PPAN: variants seen among roughly 807,000 people sequenced by gnomAD.
PPAN encodes peter pan homolog.
PPAN carries 39 observed loss-of-function variants against 48.5 expected under a neutral mutation model. That is an observed-to-expected ratio of 0.80 (90% CI 0.62 to 1.05). The LOEUF (loss-of-function observed/expected upper bound fraction) is 1.05, where lower values mean the gene tolerates loss of function less well. PPAN is among the 50% of genes least tolerant of loss of function. The pLI is 0.00. For missense variants in PPAN, 736 were observed against 661.7 expected, an observed-to-expected ratio of 1.11 and a Z score of -1.23; for synonymous variants, 315 against 268.6, an observed-to-expected ratio of 1.17 and a Z score of -1.69.
Position 10,110,950 on chromosome 19 carries a change from TTCC to T in PPAN, c.1208_1210del (p.Phe403_Pro404delinsSer). On this transcript the variant is annotated inframe_deletion, in exon 12 of 12. Coordinates refer to ENST00000253107, the MANE Select transcript of PPAN (RefSeq NM_020230.7). The surrounding 1 kb of genome is among the most constrained non-coding windows in gnomAD (Gnocchi z 5.9). ...GACACTGTCTCTCCCCACAGACCTG[TTCC>T]CCGAGGCCAAGCAGAAACGGCTTGC... 6.2e-6 allele frequency: 10 copies of T among 1,613,360 alleles called. No homozygotes were observed. Among genetic ancestry groups the T allele is most frequent in the Non-Finnish European group, 8.5e-6 (10 of 1,179,892 alleles).
In PPAN at chr19:10,110,495, G is replaced by T; in HGVS notation, c.912G>T (p.Thr304=). 6.2e-7 allele frequency: 1 copy of T among 1,612,390 alleles called. No homozygotes were observed. The highest frequency in any genetic ancestry group is 8.5e-7 in the Non-Finnish European group (1 of 1,179,658). The change falls in exon 10 of 12, where the codon ACG becomes ACT. Residue 304 remains threonine (T), a synonymous_variant. Transcript: ENST00000253107. This position sits in a 1 kb window ranked among gnomAD's most constrained non-coding sequence, Gnocchi z 5.9. The stretch of plus-strand genomic sequence containing the variant: ...CGTCTCTTGGCTCAGTGAGCAAGAC[G>T]GAGGAGGAGCTGCAGGCCATCCTGG... ...KVMFHSFVSK[T]EEELQAILEA... is the part of the protein sequence containing the mutation.
At chr19:10,109,591 C>A in intron 5 of PPAN, 40 bp from the exon 6 acceptor site, 1 of 1,579,460 alleles carries the variant, frequency 6.3e-7, no homozygotes. Flanking sequence ...CAAACTTTGC[C>A]ATGAGTCTAC....
chr19:10,106,461 C>A (rs1313342679), intron 1 of PPAN, 40 bp from the exon 2 acceptor site: 79 of 1,547,204 alleles, frequency 5.1e-5, no homozygotes, highest in Non-Finnish European at 6.6e-5. Flanking sequence ...GGGTCCCGGC[C>A]GAGGTCGCGG....
chr19:10,106,880 C>G lies in PPAN; in HGVS notation c.189+209C>G, dbSNP rs1160855584. On this transcript the variant is annotated intron_variant, in intron 2 of 11. Coordinates refer to ENST00000253107, the MANE Select transcript of PPAN (RefSeq NM_020230.7). The stretch of plus-strand genomic sequence containing the variant: ...CTTGGGAGATAGATAGTCGCCTAAG[C>G]CTGACAGTTAAGACTGGAATCTGGA... The G allele has an allele frequency of 6.1e-6, 5 of 818,760 alleles. No homozygotes were observed. In the African/African-American group the frequency reaches 8.6e-5, roughly 14 times the overall value. 50.7% of individuals were successfully genotyped at this position (818,760 alleles called of 1,614,324 possible).
In PPAN at chr19:10,111,878, G is replaced by A. The variant is rs1282936787; in HGVS notation, c.*713G>A. 1.4e-5 allele frequency: 14 copies of A among 966,496 alleles called. No individual in the cohort carries two copies. The highest frequency in any genetic ancestry group is 6.4e-5 in the African/African-American group (4 of 62,158). The allele number at this position is 966,496 out of a possible 1,614,324, so 59.9% of individuals were successfully genotyped here. On this transcript the variant is annotated 3_prime_UTR_variant, in exon 12 of 12. Coordinates refer to ENST00000253107, the MANE Select transcript of PPAN (RefSeq NM_020230.7). ...TGTAATCCCAGCACTTTGGGAGGTC[G>A]AGGGGGGTGGAACACGAGGTCAGGG...
chr19:10,110,716 A>G lies in PPAN; in HGVS notation c.1051A>G (p.Met351Val), dbSNP rs544515588. Residue 351 changes from methionine to valine, a missense_variant, in exon 11 of 12, where the codon ATG (methionine) becomes GTG (valine). Physicochemically the swap from Met to Val is conservative, Grantham distance 21. Coordinates refer to ENST00000253107, the MANE Select transcript of PPAN (RefSeq NM_020230.7). This position sits in a 1 kb window ranked among gnomAD's most constrained non-coding sequence, Gnocchi z 5.9. ...CTCCAGAAAGAAGAGCCTGGAGGGC[A>G]TGAAGAAGGCACGGGTCGGGGGTAG... Reference protein sequence around the residue: ...EAHRKKSLEGMKKARVGGSDE... With the variant: ...EAHRKKSLEGVKKARVGGSDE... 3.1e-6 allele frequency: 5 copies of G among 1,613,910 alleles called. No individual in the cohort carries two copies. In the East Asian group the frequency reaches 6.7e-5, roughly 22 times the overall value.
At position 10,110,112 on chromosome 19, in the gene PPAN, C is replaced by A; in HGVS notation, c.699-11C>A. ...GCTCCCCCACTGAGCCCTGTTATGT[C>A]CTACACACAGGGGCGCGGGGCTGTC... On this transcript the variant is annotated splice_polypyrimidine_tract_variant and intron_variant, in intron 7 of 11. Coordinates refer to ENST00000253107, the MANE Select transcript of PPAN (RefSeq NM_020230.7). The surrounding 1 kb of genome is among the most constrained non-coding windows in gnomAD (Gnocchi z 5.9). 5 of 1,611,466 alleles carry A rather than the reference C, an allele frequency of 3.1e-6. No homozygotes were observed. The highest frequency in any genetic ancestry group is 4.2e-6 in the Non-Finnish European group (5 of 1,179,840).
intron 5 of PPAN, among the ~76,000 whole-genome samples, chr19:10,108,793 TAA>T (rs1011208163): frequency 2.1e-4 from 32 of 150,504 alleles, no homozygotes; most frequent in Non-Finnish European, 3.4e-4. Context: ...GCAGAGATGC[TAA>T]GTTTAGATTC....
Position 10,107,598 on chromosome 19 carries a change from G to A in PPAN, c.283G>A (p.Val95Ile), listed in dbSNP as rs1211743731. The change falls in exon 3 of 12, where the codon GTC becomes ATC. Residue 95 changes from valine (V) to isoleucine (I), a missense_variant. By Grantham distance (29) the Val-to-Ile change is conservative. Transcript: ENST00000253107. ...GATCCTGAGCAAAACAGAGACCAATGTCTACTTTGTGAGTAGACGCCCTCA... is the reference window on the plus strand; with the variant it reads ...GATCCTGAGCAAAACAGAGACCAATATCTACTTTGTGAGTAGACGCCCTCA... ...FLILSKTETN[V>I]YFKLMRLPGG... The A allele has an allele frequency of 1.2e-6, 2 of 1,614,106 alleles. No homozygotes were observed. The highest frequency in any genetic ancestry group is 2.2e-5 in the East Asian group (1 of 44,884).
chr19:10,110,293 G>T lies in PPAN; in HGVS notation c.823-31G>T. The T allele has an allele frequency of 1.9e-6, 3 of 1,613,360 alleles. No individual in the cohort carries two copies. Among genetic ancestry groups the T allele is most frequent in the Non-Finnish European group, 2.5e-6 (3 of 1,179,872 alleles). On this transcript the variant is annotated intron_variant, in intron 8 of 11. Coordinates refer to ENST00000253107, the MANE Select transcript of PPAN (RefSeq NM_020230.7). This position sits in a 1 kb window ranked among gnomAD's most constrained non-coding sequence, Gnocchi z 5.9. Reference sequence around the variant, plus strand: ...CCCCCGGGCTCCACCAGTCCCAACGGTGGGCTGACGCTTCTTCCTCGTCCC... The same window carrying T: ...CCCCCGGGCTCCACCAGTCCCAACGTTGGGCTGACGCTTCTTCCTCGTCCC...
In PPAN at chr19:10,110,404, T is replaced by G. The variant is rs1291413289; in HGVS notation, c.901+2T>G. 1 of 1,612,736 alleles carries G rather than the reference T, an allele frequency of 6.2e-7. No individual in the cohort carries two copies. The highest frequency in any genetic ancestry group is 8.5e-7 in the Non-Finnish European group (1 of 1,179,796). ...GCAAAGTGATGTTCCACAGTTTTGG[T>G]GAGGCCGGGGCCGCCGGGGGTGGGG... On this transcript the variant is annotated splice_donor_variant, in intron 9 of 11. Transcript: ENST00000253107. LOFTEE classifies it high-confidence loss of function. The surrounding 1 kb of genome is among the most constrained non-coding windows in gnomAD (Gnocchi z 5.9).
intron 5 of PPAN, 60 bp downstream of exon 5, chr19:10,108,194 G>A: frequency 6.4e-7 from 1 of 1,554,608 alleles, no homozygotes; most frequent in Non-Finnish European, 8.7e-7. Flanking sequence ...AGGTGCCACA[G>A]GCCCTCAGAT....
chr19:10,110,540 G>T lies in PPAN; in HGVS notation c.957G>T (p.Leu319=), dbSNP rs551867255. ...TCCTGGAAGCCAAGGAGAAGAAGCT[G>T]CGGCTGAAGGCGCAGAGGCAGGCCC... is the stretch of plus-strand genomic sequence containing the variant. The part of the protein sequence containing the change: ...QAILEAKEKK[L]RLKAQRQAQQ... Residue 319 remains leucine (L), a synonymous_variant, in exon 10 of 12, where the codon CTG becomes CTT. Coordinates refer to ENST00000253107, the MANE Select transcript of PPAN (RefSeq NM_020230.7). This position sits in a 1 kb window ranked among gnomAD's most constrained non-coding sequence, Gnocchi z 5.9. The T allele has an allele frequency of 2.2e-5, 35 of 1,610,812 alleles. No homozygotes were observed. The South Asian group carries it at 3.2e-4, about 15-fold the overall frequency.
intron 6 of PPAN, 44 bp from the exon 7 acceptor site, chr19:10,109,869 G>A (rs376596939): frequency 9.9e-6 from 16 of 1,608,658 alleles, no homozygotes; most frequent in African/African-American, 5.3e-5. Flanking sequence ...GCCCCATCAC[G>A]TGCCCCCTGA....
intron 2 of PPAN, chr19:10,107,008 G>A: frequency 1.6e-6 from 1 of 610,216 alleles, no homozygotes; most frequent in Non-Finnish European, 3.0e-6. Flanking sequence ...GCAGCATGGT[G>A]AAACCCCGTC....
chr19:10,111,784 G>T lies in PPAN; in HGVS notation c.*619G>T, dbSNP rs1399516923. 6.2e-7 allele frequency: 1 copy of T among 1,611,356 alleles called. No individual in the cohort carries two copies. The highest frequency in any genetic ancestry group is 1.1e-5 in the South Asian group (1 of 90,948). ...GGCTGTCTCTGGGGGTCTGCAGATT[G>T]TCAGGAGGTGGGGGTAGTGGGTATT... is the stretch of plus-strand genomic sequence containing the variant. On this transcript the variant is annotated 3_prime_UTR_variant, in exon 12 of 12. Transcript: ENST00000253107.
At chr19:10,109,018 G>A (rs1426104753) in intron 5 of PPAN, among the ~76,000 whole-genome samples, 5 of 150,676 alleles carry the variant, frequency 3.3e-5, no homozygotes, top group Admixed American at 2.6e-4. Context: ...CTGGAGTGCG[G>A]TGGCACAATC....
intron 5 of PPAN, among the ~76,000 whole-genome samples, chr19:10,108,889 A>C (rs1310626427): frequency 1.3e-5 from 2 of 151,616 alleles, no homozygotes; most frequent in Non-Finnish European, 2.9e-5. Flanking sequence ...CTCAGATGGG[A>C]CTTATAAATT....
chr19:10,111,457 A>C lies in PPAN; in HGVS notation c.*292A>C. The C allele has an allele frequency of 1.6e-6, 1 of 619,764 alleles. No homozygotes were observed. Among genetic ancestry groups the C allele is most frequent in the Non-Finnish European group, 2.8e-6 (1 of 354,416 alleles). The allele number at this position is 619,764 out of a possible 1,614,324, so 38.4% of individuals were successfully genotyped here. A position where few individuals can be genotyped will look rare whatever the true frequency, so the allele number is the denominator to read the frequency against. On this transcript the variant is annotated 3_prime_UTR_variant, in exon 12 of 12. Coordinates refer to ENST00000253107, the MANE Select transcript of PPAN (RefSeq NM_020230.7). ...CGGGGTTGGTTTCATTGGTGGCAGC[A>C]GCAGCCATGAGTGGCCCCTCCCCCC... is the stretch of plus-strand genomic sequence containing the variant.
Sources: allele counts gnomAD v4.1 joint callset (sites outside exome capture counted in the v4.1 genomes callset), GRCh38; gene constraint gnomAD v4.1.1; non-coding constraint Gnocchi (gnomAD v3.1); transcripts MANE v1.5; gene names NCBI Gene and HGNC (gene_info 2026-07-23, HGNC 2026-07-21).